Variants in EOLA1 observed in about 807,000 individuals in gnomAD.
The protein encoded by EOLA1 is protein EOLA1.
A neutral mutation model predicts 4.5 loss-of-function variants in EOLA1; 1 was observed. The ratio of observed to expected loss-of-function variants is 0.22; its 90% CI spans 0.08 to 1.05. The LOEUF is 1.05. Among genes scored for constraint, EOLA1 ranks in the 50% least tolerant of loss-of-function variants. EOLA1 has a pLI of 0.57. For synonymous variants in EOLA1, 37 were observed against 52.3 expected, an observed-to-expected ratio of 0.71 and a Z score of 1.26; for missense variants, 69 against 127.2, an observed-to-expected ratio of 0.54 and a Z score of 2.20.
chrX:149,547,356 C>T lies in EOLA1; in HGVS notation c.*394C>T, dbSNP rs1431324191. 1.3e-6 allele frequency: 1 copy of T among 773,626 alleles called. No individual in the cohort carries two copies. Among genetic ancestry groups the T allele is most frequent in the Non-Finnish European group, 1.5e-6 (1 of 649,747 alleles). 63.8% of individuals were successfully genotyped at this position (773,626 alleles called of 1,213,427 possible). Reference sequence around the variant, plus strand: ...GTTCTATGTTTTCCCCTGATTTGTTCTGGTCAAAACTCATCAAATGTGTAA... The same window carrying T: ...GTTCTATGTTTTCCCCTGATTTGTTTTGGTCAAAACTCATCAAATGTGTAA... On this transcript the variant is annotated 3_prime_UTR_variant, in exon 5 of 5. Coordinates refer to ENST00000393985, the MANE Select transcript of EOLA1 (RefSeq NM_001171907.3).
chrX:149,541,871 G>A (rs1284577745), intron 1 of EOLA1, 148 bp from the exon 2 acceptor site: 3 of 649,761 alleles, frequency 4.6e-6, no homozygotes, highest in Non-Finnish European at 5.5e-6. Context: ...AAACTGTGAT[G>A]TGCACATGTG....
rs1316184158 is a variant in EOLA1 at position 149,544,677 on chromosome X, GA to G, written c.-162-690del. On this transcript the variant is annotated intron_variant, in intron 2 of 4. Coordinates refer to ENST00000393985, the MANE Select transcript of EOLA1 (RefSeq NM_001171907.3). ...AGGCACAGGGCCGTCCTCCATGCAA[GA>G]GGAGGGGACCCTCTCCCAAGCCAGA... 8.0e-6 allele frequency: 6 copies of G among 751,512 alleles called. No individual in the cohort carries two copies. In the African/African-American group the frequency reaches 1.4e-4, roughly 18 times the overall value. 61.9% of individuals were successfully genotyped at this position (751,512 alleles called of 1,213,427 possible).
rs1310716844 is a variant in EOLA1, at chrX:149,547,139, G to A, written c.*177G>A. 3.9e-6 allele frequency: 4 copies of A among 1,033,811 alleles called. No individual in the cohort carries two copies. The highest frequency in any genetic ancestry group is 5.0e-6 in the Non-Finnish European group (4 of 795,838). 85.2% of individuals were successfully genotyped at this position (1,033,811 alleles called of 1,213,427 possible). On this transcript the variant is annotated 3_prime_UTR_variant, in exon 5 of 5. Coordinates refer to ENST00000393985, the MANE Select transcript of EOLA1 (RefSeq NM_001171907.3). ...AACAGGTTCCTTTGCTCAGATGAAG[G>A]AAGTAGGGGGTGGGGCTTTCCTTGT...
intron 2 of EOLA1, chrX:149,544,543 G>A: frequency 1.3e-6 from 1 of 751,458 alleles, no homozygotes; most frequent in Non-Finnish European, 1.6e-6. Flanking sequence ...TACTGGGCTG[G>A]GTGCTCTTGG....
chrX:149,546,146 A>G (rs782318653), intron 4 of EOLA1, among the ~76,000 whole-genome samples: 1 of 108,365 alleles, frequency 9.2e-6, no homozygotes, highest in Non-Finnish European at 1.9e-5. Flanking sequence ...GGTCAGGGCC[A>G]TGTGCACATG....
chrX:149,549,990 A>G (rs1399809935), downstream of EOLA1: 1 of 310,078 alleles, frequency 3.2e-6, no homozygotes, highest in Non-Finnish European at 5.3e-6. Context: ...TATCAGGGCA[A>G]CCAGTGGCTT....
intron 2 of EOLA1, chrX:149,545,037 G>A (rs1444867986): frequency 1.4e-4 from 94 of 677,688 alleles, no homozygotes; most frequent in Non-Finnish European, 1.4e-4. Context: ...TCTGACTGAG[G>A]GCCATCTGAG....
In EOLA1 at chrX:149,548,153, G is replaced by T. The variant is rs1292513474; in HGVS notation, c.*1191G>T. ...TTGGACAGGATTTCCAGCCTCCCCT[G>T]GTTTCTGCCAATGAGATGTATATAA... On this transcript the variant is annotated 3_prime_UTR_variant, in exon 5 of 5. Coordinates refer to ENST00000393985, the MANE Select transcript of EOLA1 (RefSeq NM_001171907.3). 31 of 272,148 alleles carry T rather than the reference G, an allele frequency of 1.1e-4. No homozygotes were observed. The highest frequency in any genetic ancestry group is 1.7e-4 in the Non-Finnish European group (28 of 164,887). 22.4% of individuals were successfully genotyped at this position (272,148 alleles called of 1,213,427 possible). A position where few individuals can be genotyped will look rare whatever the true frequency, so the allele number is the denominator to read the frequency against.
chrX:149,544,900 A>G (rs1479747186), intron 2 of EOLA1: 40 of 751,587 alleles, frequency 5.3e-5, no homozygotes, highest in Non-Finnish European at 6.3e-5. Context: ...TGGGGTTGCT[A>G]GTTGTTCTGA....
chrX:149,547,063 C>A lies in EOLA1; in HGVS notation c.*101C>A, dbSNP rs642442. 5.2e-5 allele frequency: 60 copies of A among 1,163,285 alleles called. No individual in the cohort carries two copies. Among genetic ancestry groups the A allele is most frequent in the African/African-American group, 2.3e-4 (13 of 56,048 alleles). ...CAGACCTGTATACATTAGGTTAAAT[C>A]TGAATTTCCACTGCTTTGGAGAGTC... On this transcript the variant is annotated 3_prime_UTR_variant, in exon 5 of 5. Transcript: ENST00000393985.
At chrX:149,550,661 T>C (rs2089905450), downstream of EOLA1, among the ~76,000 whole-genome samples, 1 of 106,595 alleles carries the variant, frequency 9.4e-6, no homozygotes, top group Non-Finnish European at 1.9e-5. Context: ...TCAGCTGTGC[T>C]TTGGAGTCTC....
intron 2 of EOLA1, chrX:149,545,155 A>T: frequency 2.5e-6 from 1 of 404,698 alleles, no homozygotes; most frequent in Non-Finnish European, 3.1e-6. Flanking sequence ...CGGCAGGGCC[A>T]GGGCACTGAG....
At chrX:149,544,199 A>G (rs2089789296) in intron 2 of EOLA1, among the ~76,000 whole-genome samples, 1 of 58,411 alleles carries the variant, frequency 1.7e-5, no homozygotes, top group Non-Finnish European at 3.1e-5. Context: ...CCAGAGGAGC[A>G]GGGTCCAGAG....
In EOLA1 at chrX:149,544,338, A is replaced by G. The variant is rs1602800991; in HGVS notation, c.-162-1030A>G. Among the ~76,000 whole-genome samples the G allele has an allele frequency of 3.9e-5, 3 of 77,493 alleles. No homozygotes were observed. In the South Asian group the frequency reaches 2.5e-3, roughly 64 times the overall value. 67.3% of individuals were successfully genotyped at this position (77,493 alleles called of 115,157 possible). Reference sequence around the variant, plus strand: ...AATACCAGGCAGCTTTGGCCCTATCAGGGCTTTGTCTCATGAGGGTGGGTA... The same window carrying G: ...AATACCAGGCAGCTTTGGCCCTATCGGGGCTTTGTCTCATGAGGGTGGGTA... On this transcript the variant is annotated intron_variant, in intron 2 of 4. Transcript: ENST00000393985.
At chrX:149,545,278 G>C in intron 2 of EOLA1, 90 bp from the exon 3 acceptor site, 1 of 846,346 alleles carries the variant, frequency 1.2e-6, no homozygotes, top group Non-Finnish European at 1.5e-6. Context: ...GCTAGGCCAA[G>C]GGGGCCCTCT....
chrX:149,541,736 G>T, intron 1 of EOLA1: 1 of 750,771 alleles, frequency 1.3e-6, no homozygotes. Context: ...TTCGAATGGA[G>T]CATGCTTGGC....
rs1557347470 is a variant in EOLA1, at chrX:149,545,394, C to G, written c.-136C>G. ...TGTCCCCGCCCTACTCCGGACCGCC[C>G]CAAAGACTCCATGGGATGGACCTGA... On this transcript the variant is annotated 5_prime_UTR_variant, in exon 3 of 5. Coordinates refer to ENST00000393985, the MANE Select transcript of EOLA1 (RefSeq NM_001171907.3). The G allele has an allele frequency of 9.3e-7, 1 of 1,072,757 alleles. No individual in the cohort carries two copies. The highest frequency in any genetic ancestry group is 3.4e-5 in the East Asian group (1 of 29,409). 88.4% of individuals were successfully genotyped at this position (1,072,757 alleles called of 1,213,427 possible). A position where few individuals can be genotyped will look rare whatever the true frequency, so the allele number is the denominator to read the frequency against.
In EOLA1 at chrX:149,542,024, G is replaced by A. The variant is rs782360268; in HGVS notation, c.-224G>A. On this transcript the variant is annotated 5_prime_UTR_variant, in exon 2 of 5. Transcript: ENST00000393985. ...TTATCTTCCTTGTTGTGCAGGTAAA[G>A]AAGCTAAGTGGAAGAGTGTTTCCTC... The A allele has an allele frequency of 2.3e-3, 1,726 of 752,735 alleles. 1 individual carries two copies. Among genetic ancestry groups the A allele is most frequent in the South Asian group, 2.7e-3 (40 of 14,781 alleles). The allele number at this position is 752,735 out of a possible 1,213,427, so 62.0% of individuals were successfully genotyped here.
rs375348679 is a variant in EOLA1 at position 149,543,873 on chromosome X, C to T, written c.-162-1495C>T. Among the ~76,000 whole-genome samples, 431 of 84,143 alleles carry T rather than the reference C, an allele frequency of 5.1e-3. 39 individuals carry two copies. The highest frequency in any genetic ancestry group is 0.02 in the African/African-American group (415 of 21,018). The allele number at this position is 84,143 out of a possible 115,157, so 73.1% of individuals were successfully genotyped here. A position where few individuals can be genotyped will look rare whatever the true frequency, so the allele number is the denominator to read the frequency against. ...TCCCAGAAGGAGGGAAGGAGTGTGC[C>T]CAGCCATGCTGGGGCTGCTGAGCAT... is the stretch of plus-strand genomic sequence containing the variant. On this transcript the variant is annotated intron_variant, in intron 2 of 4. Transcript: ENST00000393985.
Sources: gnomAD v4.1 joint callset for allele counts (sites outside exome capture counted in the v4.1 genomes callset) on GRCh38, gnomAD v4.1.1 for gene constraint, MANE v1.5 for transcripts, NCBI Gene and HGNC (gene_info 2026-07-23, HGNC 2026-07-21) for gene names.